FARS2: variants seen among roughly 807,000 people sequenced by gnomAD.
The protein encoded by FARS2 is phenylalanyl-tRNA synthetase 2, mitochondrial.
A neutral mutation model predicts 46.4 loss-of-function variants in FARS2; 40 were observed. The ratio of observed to expected loss-of-function variants is 0.86; its 90% CI spans 0.67 to 1.12. The LOEUF (loss-of-function observed/expected upper bound fraction) is 1.12. Among genes scored for constraint, FARS2 ranks in the 50% most tolerant of loss-of-function variants. The pLI, the probability that FARS2 is intolerant of heterozygous loss-of-function variation, is 0.00. For missense variants in FARS2, 513 were observed against 567.9 expected, an observed-to-expected ratio of 0.90 and a Z score of 0.98; for synonymous variants, 234 against 214.9, an observed-to-expected ratio of 1.09 and a Z score of -0.78.
intron 2 of FARS2, among the ~76,000 whole-genome samples, chr6:5,381,411 A>G (rs957341764): frequency 2.0e-5 from 3 of 150,696 alleles, no homozygotes; most frequent in African/African-American, 4.9e-5. Flanking sequence ...ACACATACAC[A>G]CACACACACA....
chr6:5,722,043 A>G (rs1319111952), intron 6 of FARS2, among the ~76,000 whole-genome samples: 1 of 152,226 alleles, frequency 6.6e-6, no homozygotes. Context: ...AGGACGTTTT[A>G]AATATTCTCT....
chr6:5,703,332 A>G (rs1216956960), intron 6 of FARS2, among the ~76,000 whole-genome samples: 1 of 151,902 alleles, frequency 6.6e-6, no homozygotes, highest in Non-Finnish European at 1.5e-5. Flanking sequence ...AGCCCAGCCC[A>G]CCTGTTGCTT....
chr6:5,368,500 T>A, intron 1 of FARS2, 50 bp from the exon 2 acceptor site: 2 of 1,511,214 alleles, frequency 1.3e-6, no homozygotes, highest in Non-Finnish European at 1.8e-6. Flanking sequence ...ACACACTTGC[T>A]TTCCACAGAG....
At chr6:5,572,763 A>G (rs1004454056) in intron 5 of FARS2, among the ~76,000 whole-genome samples, 5 of 151,524 alleles carry the variant, frequency 3.3e-5, no homozygotes, top group African/African-American at 1.2e-4. Flanking sequence ...ATCTTTGGGG[A>G]TGGAATCCAG....
intron 1 of FARS2, among the ~76,000 whole-genome samples, chr6:5,283,395 A>C (rs982674357): frequency 2.7e-5 from 4 of 146,036 alleles, no homozygotes; most frequent in Non-Finnish European, 6.1e-5. Flanking sequence ...AAAAAAAAAA[A>C]CAAATTAGCC....
At chr6:5,324,111 G>A (rs1407623271) in intron 1 of FARS2, among the ~76,000 whole-genome samples, 3 of 152,186 alleles carry the variant, frequency 2.0e-5, no homozygotes, top group African/African-American at 7.2e-5. Context: ...AAGCGCTCCT[G>A]ACTGAAATCA....
chr6:5,756,106 G>A (rs1373799938), intron 6 of FARS2, among the ~76,000 whole-genome samples: 1 of 152,184 alleles, frequency 6.6e-6, no homozygotes, highest in Non-Finnish European at 1.5e-5. Flanking sequence ...CTTGGTTCAT[G>A]TCGGCCAAAG....
At chr6:5,517,533 A>C (rs1323488262) in intron 4 of FARS2, among the ~76,000 whole-genome samples, 1 of 151,668 alleles carries the variant, frequency 6.6e-6, no homozygotes, top group Non-Finnish European at 1.5e-5. Context: ...AATCGCTTGA[A>C]CCTGGGAGGT....
intron 6 of FARS2, among the ~76,000 whole-genome samples, chr6:5,691,430 C>G (rs928153225): frequency 6.6e-6 from 1 of 152,200 alleles, no homozygotes; most frequent in African/African-American, 2.4e-5. Flanking sequence ...AGCTATAGGT[C>G]TGTTGGAGTT....
chr6:5,697,010 T>C (rs1758146383), intron 6 of FARS2, among the ~76,000 whole-genome samples: 1 of 152,222 alleles, frequency 6.6e-6, no homozygotes, highest in South Asian at 2.1e-4. Flanking sequence ...TTCTTCAGCC[T>C]AGCAGAAATA....
At position 5,557,276 on chromosome 6, in the gene FARS2, G is replaced by A. The variant is rs563571445; in HGVS notation, c.1065+11936G>A. On this transcript the variant is annotated intron_variant, in intron 5 of 6. Coordinates refer to ENST00000274680, the MANE Select transcript of FARS2 (RefSeq NM_006567.5). ...AAATAACAACAACAGCAGCAAACCC[G>A]CAGTGATGCCAGGGCTCTAAAACAC... is the stretch of plus-strand genomic sequence containing the variant. Among the ~76,000 whole-genome samples, 27 of 152,234 alleles carry A rather than the reference G, an allele frequency of 1.8e-4. 1 individual carries two copies. Among genetic ancestry groups the A allele is most frequent in the African/African-American group, 6.0e-4 (25 of 41,498 alleles).
At chr6:5,720,047 T>G (rs888401251) in intron 6 of FARS2, among the ~76,000 whole-genome samples, 5 of 151,930 alleles carry the variant, frequency 3.3e-5, no homozygotes, top group Non-Finnish European at 7.4e-5. Context: ...TAAATGGTAG[T>G]TAGTCTCCTG....
chr6:5,452,653 T>C (rs1312075721), intron 4 of FARS2: 2 of 152,148 alleles, frequency 1.3e-5, no homozygotes, highest in Admixed American at 6.5e-5. Flanking sequence ...TATTGAATGT[T>C]TGGATGGGTG....
At chr6:5,672,216 A>C (rs1196345299) in intron 6 of FARS2, among the ~76,000 whole-genome samples, 2 of 152,128 alleles carry the variant, frequency 1.3e-5, no homozygotes, top group Admixed American at 1.3e-4. Context: ...CACCGACCCA[A>C]AGTGCAGAGC....
At chr6:5,332,491 A>T (rs768795634) in intron 1 of FARS2, among the ~76,000 whole-genome samples, 1 of 152,206 alleles carries the variant, frequency 6.6e-6, no homozygotes, top group Non-Finnish European at 1.5e-5. Context: ...AGAAGCTGGC[A>T]GATTTATTTA....
intron 6 of FARS2, among the ~76,000 whole-genome samples, chr6:5,707,266 A>C (rs1053306355): frequency 6.6e-6 from 1 of 152,236 alleles, no homozygotes; most frequent in African/African-American, 2.4e-5. Flanking sequence ...CCTCGTTACC[A>C]GTTGAGGACC....
At chr6:5,351,968 G>C (rs1432897319) in intron 1 of FARS2, among the ~76,000 whole-genome samples, 1 of 152,150 alleles carries the variant, frequency 6.6e-6, no homozygotes, top group African/African-American at 2.4e-5. Context: ...GTCTACCAGA[G>C]TAAACCTCTG....
rs778869084 is a variant in FARS2, at chr6:5,630,815, G to A, written c.1217+17495G>A. ...TAAATTCACTTCATCAAGTAAAGCCGGTGTGTCTAACTTAAGAAAGAATGT... is the reference window on the plus strand; with the variant it reads ...TAAATTCACTTCATCAAGTAAAGCCAGTGTGTCTAACTTAAGAAAGAATGT... On this transcript the variant is annotated intron_variant, in intron 6 of 6. Coordinates refer to ENST00000274680, the MANE Select transcript of FARS2 (RefSeq NM_006567.5). The surrounding 1 kb of genome is among the most constrained non-coding windows in gnomAD (Gnocchi z 4.2). 1.3e-5 allele frequency among the ~76,000 whole-genome samples: 2 copies of A among 152,184 alleles called. No homozygotes were observed. The highest frequency in any genetic ancestry group is 2.4e-5 in the African/African-American group (1 of 41,440).
chr6:5,667,007 G>A (rs575016093), intron 6 of FARS2, among the ~76,000 whole-genome samples: 1 of 152,270 alleles, frequency 6.6e-6, no homozygotes, highest in South Asian at 2.1e-4. Flanking sequence ...GTACAAGTGG[G>A]AGCTAAATGT....
Sources: gnomAD v4.1 joint callset for allele counts (sites outside exome capture counted in the v4.1 genomes callset) on GRCh38, gnomAD v4.1.1 for gene constraint, Gnocchi (gnomAD v3.1) non-coding constraint, MANE v1.5 for transcripts, NCBI Gene and HGNC (gene_info 2026-07-23, HGNC 2026-07-21) for gene names.